Variants in SPATA6 observed in about 807,000 individuals in gnomAD.
SPATA6 encodes spermatogenesis associated 6.
In SPATA6, 56 loss-of-function variants were observed where a neutral mutation model predicts 65.3. The observed-to-expected ratio is 0.86, with a 90% CI of 0.69 to 1.07. The LOEUF is 1.07. Ranked by LOEUF, SPATA6 falls within the 50% of genes least tolerant of loss-of-function variation. The probability of loss-of-function intolerance (pLI) is 0.00; values close to 1 mark genes in which losing one functional copy is unlikely to be tolerated. For synonymous variants in SPATA6, 199 were observed against 213.2 expected (o/e 0.93, Z 0.58); for missense variants, 590 against 594.8 (o/e 0.99, Z 0.08).
At chr1:48,352,078 T>C (rs1435536529) in intron 11 of SPATA6, among the ~76,000 whole-genome samples, 4 of 152,058 alleles carry the variant, frequency 2.6e-5, no homozygotes, top group Non-Finnish European at 5.9e-5. Context: ...GGACTTACAG[T>C]TCCACGTGGC....
At chr1:48,268,522 T>C in the SPATA6 span, among the ~76,000 whole-genome samples, 4 of 151,852 alleles carry the variant, frequency 2.6e-5, no homozygotes, top group Admixed American at 6.6e-5. Flanking sequence ...TGGAAAAATA[T>C]GGTTAATTTT....
intron 11 of SPATA6, among the ~76,000 whole-genome samples, chr1:48,313,432 T>C (rs925588291): frequency 2.0e-5 from 3 of 152,064 alleles, no homozygotes; most frequent in Non-Finnish European, 4.4e-5. Flanking sequence ...GAATTTCATA[T>C]CCAGCCAAAC....
chr1:48,323,761 G>A (rs1645672897), intron 11 of SPATA6, among the ~76,000 whole-genome samples: 1 of 151,914 alleles, frequency 6.6e-6, no homozygotes, highest in Admixed American at 6.6e-5. Context: ...TAAAAAAAAT[G>A]TACAAATTCC....
the SPATA6 span, among the ~76,000 whole-genome samples, chr1:48,279,410 C>T: frequency 6.6e-6 from 1 of 152,156 alleles, no homozygotes; most frequent in Non-Finnish European, 1.5e-5. Flanking sequence ...AGTCAAGATC[C>T]ATCAGTGTGC....
chr1:48,324,774 A>T (rs1431847333), intron 11 of SPATA6, among the ~76,000 whole-genome samples: 2 of 152,266 alleles, frequency 1.3e-5, no homozygotes, highest in African/African-American at 4.8e-5. Flanking sequence ...CCTTCCCCTA[A>T]GATCTGTAAC....
At chr1:48,457,582 G>C (rs1479549348) in intron 1 of SPATA6, among the ~76,000 whole-genome samples, 8 of 152,258 alleles carry the variant, frequency 5.3e-5, no homozygotes. Flanking sequence ...GAAGCCAGTA[G>C]GCAGAGTGAT....
intron 8 of SPATA6, among the ~76,000 whole-genome samples, chr1:48,390,012 T>C (rs1306708203): frequency 6.6e-6 from 1 of 151,888 alleles, no homozygotes; most frequent in African/African-American, 2.4e-5. Flanking sequence ...AAACCACACA[T>C]ACCAATAATA....
chr1:48,456,262 G>C (rs1656991673), intron 1 of SPATA6, among the ~76,000 whole-genome samples: 1 of 152,192 alleles, frequency 6.6e-6, no homozygotes, highest in African/African-American at 2.4e-5. Flanking sequence ...CTCTTTAGGA[G>C]AACATAAAGC....
chr1:48,278,055 G>A, the SPATA6 span, among the ~76,000 whole-genome samples: 3 of 152,148 alleles, frequency 2.0e-5, no homozygotes, highest in Non-Finnish European at 4.4e-5. Flanking sequence ...CATCACTGCT[G>A]ATACCCAGGC....
At chr1:48,415,507 A>G (rs914956321) in intron 3 of SPATA6, among the ~76,000 whole-genome samples, 4 of 152,194 alleles carry the variant, frequency 2.6e-5, no homozygotes, top group African/African-American at 7.2e-5. Flanking sequence ...GTATAGATTG[A>G]AAACACTGTA....
intron 11 of SPATA6, among the ~76,000 whole-genome samples, chr1:48,308,908 T>C (rs1645129084): frequency 6.6e-6 from 1 of 152,094 alleles, no homozygotes; most frequent in African/African-American, 2.4e-5. Flanking sequence ...TTTCTAGATA[T>C]AGGGTCTAAC....
intron 11 of SPATA6, among the ~76,000 whole-genome samples, chr1:48,352,343 T>C (rs1413020979): frequency 6.6e-6 from 1 of 152,092 alleles, no homozygotes; most frequent in African/African-American, 2.4e-5. Context: ...AGCCAAACCA[T>C]ATCATTTATA....
chr1:48,379,699 C>A (rs1414198152), intron 9 of SPATA6, among the ~76,000 whole-genome samples: 2 of 152,090 alleles, frequency 1.3e-5, no homozygotes, highest in Non-Finnish European at 2.9e-5. Flanking sequence ...CACAGAGCAC[C>A]CTCATAATCT....
chr1:48,345,826 T>C (rs1051013691), intron 11 of SPATA6, among the ~76,000 whole-genome samples: 11 of 152,058 alleles, frequency 7.2e-5, no homozygotes, highest in Non-Finnish European at 1.5e-4. Flanking sequence ...AATGACATGT[T>C]CTGAAATTGA....
At chr1:48,340,252 A>G (rs1428966817) in intron 11 of SPATA6, among the ~76,000 whole-genome samples, 1 of 64,596 alleles carries the variant, frequency 1.5e-5, no homozygotes, top group Non-Finnish European at 5.9e-5. Flanking sequence ...AAAAAAAAAA[A>G]AAAAAAAAAA....
the SPATA6 span, among the ~76,000 whole-genome samples, chr1:48,266,740 T>A: frequency 6.6e-6 from 1 of 152,302 alleles, no homozygotes; most frequent in South Asian, 2.1e-4. Context: ...AGGTTTCCAG[T>A]GGAAGTGAAA....
chr1:48,345,378 C>T (rs989467160), intron 11 of SPATA6, among the ~76,000 whole-genome samples: 3 of 152,072 alleles, frequency 2.0e-5, no homozygotes, highest in Non-Finnish European at 4.4e-5. Context: ...TAGATGCCCA[C>T]ATCAAAAAGT....
chr1:48,415,798 A>G (rs952564744), intron 3 of SPATA6, among the ~76,000 whole-genome samples: 118 of 152,126 alleles, frequency 7.8e-4, no homozygotes, highest in African/African-American at 2.8e-3. Context: ...TTAAATTAAT[A>G]TCAGATGCCA....
chr1:48,281,568 T>C, the SPATA6 span, among the ~76,000 whole-genome samples: 1 of 151,850 alleles, frequency 6.6e-6, no homozygotes, highest in Non-Finnish European at 1.5e-5. Context: ...AAATCATGAG[T>C]GAACTCCCAT....
Sources: allele counts gnomAD v4.1 joint callset (sites outside exome capture counted in the v4.1 genomes callset), GRCh38; gene constraint gnomAD v4.1.1; transcripts MANE v1.5; gene names NCBI Gene and HGNC (gene_info 2026-07-23, HGNC 2026-07-21).